Variants in ZBTB20 observed in about 807,000 individuals in gnomAD.
ZBTB20 encodes zinc finger and BTB domain containing 20, also known as zinc finger and BTB domain-containing protein 20.
ZBTB20 carries 9 observed loss-of-function variants against 56.9 expected under a neutral mutation model. That is an observed-to-expected ratio of 0.16 (90% CI 0.10 to 0.28). The LOEUF is 0.28. Ranked by LOEUF, ZBTB20 falls within the 10% of genes least tolerant of loss-of-function variation. ZBTB20 has a pLI of 1.00. For missense variants in ZBTB20, 655 were observed against 1,003.0 expected, an observed-to-expected ratio of 0.65 and a Z score of 4.69; for synonymous variants, 417 against 420.7, an observed-to-expected ratio of 0.99 and a Z score of 0.11.
chr3:114,649,584 C>A (rs189319619), intron 6 of ZBTB20, among the ~76,000 whole-genome samples: 253 of 151,914 alleles, frequency 1.7e-3, no homozygotes, highest in South Asian at 0.012. Context: ...AATAAGCTGA[C>A]AACACCTTCA....
At chr3:115,031,329 T>C (rs1295152637) in intron 2 of ZBTB20, among the ~76,000 whole-genome samples, 1 of 151,438 alleles carries the variant, frequency 6.6e-6, no homozygotes, top group Non-Finnish European at 1.5e-5. Context: ...CATTAATCAT[T>C]ATTCAACAGT....
intron 1 of ZBTB20, among the ~76,000 whole-genome samples, chr3:115,100,762 C>G (rs1396895183): frequency 6.6e-6 from 1 of 152,110 alleles, no homozygotes. Context: ...AAATGCATAG[C>G]TTATTTGTGC....
intron 6 of ZBTB20, among the ~76,000 whole-genome samples, chr3:114,558,371 C>A (rs771637704): frequency 1.3e-5 from 2 of 151,986 alleles, no homozygotes; most frequent in Admixed American, 1.3e-4. Context: ...AATAACAGTA[C>A]CTCATTTGCG....
At chr3:114,700,513 G>C (rs755225781) in intron 5 of ZBTB20, among the ~76,000 whole-genome samples, 1 of 152,086 alleles carries the variant, frequency 6.6e-6, no homozygotes, top group Non-Finnish European at 1.5e-5. Context: ...CAAAGACAGA[G>C]AGCAAAGGCT....
intron 6 of ZBTB20, among the ~76,000 whole-genome samples, chr3:114,555,714 T>A (rs1005484476): frequency 6.6e-6 from 1 of 152,150 alleles, no homozygotes; most frequent in African/African-American, 2.4e-5. Context: ...AGAGGCCTTA[T>A]GAATGCCACT....
intron 3 of ZBTB20, among the ~76,000 whole-genome samples, chr3:114,948,574 T>C (rs2076961979): frequency 6.9e-6 from 1 of 145,950 alleles, no homozygotes; most frequent in African/African-American, 2.8e-5. Flanking sequence ...TTAGCAAGAT[T>C]CCTGGCCAAG....
At chr3:114,897,256 C>A (rs922650308) in intron 4 of ZBTB20, among the ~76,000 whole-genome samples, 1 of 152,114 alleles carries the variant, frequency 6.6e-6, no homozygotes, top group Non-Finnish European at 1.5e-5. Flanking sequence ...ATATCTTTGT[C>A]TCTCACTAGC....
chr3:114,926,563 A>G (rs1281952032), intron 3 of ZBTB20, among the ~76,000 whole-genome samples: 1 of 152,214 alleles, frequency 6.6e-6, no homozygotes, highest in Non-Finnish European at 1.5e-5. Context: ...AAATTGAATA[A>G]AAAACAAACA....
At chr3:114,843,423 G>A (rs1163101785) in intron 4 of ZBTB20, among the ~76,000 whole-genome samples, 6 of 152,122 alleles carry the variant, frequency 3.9e-5, no homozygotes, top group African/African-American at 1.4e-4. Context: ...AAAATCATCT[G>A]AAAAATTACG....
At chr3:114,879,556 T>C (rs1465401181) in intron 4 of ZBTB20, among the ~76,000 whole-genome samples, 3 of 152,148 alleles carry the variant, frequency 2.0e-5, no homozygotes, top group Non-Finnish European at 2.9e-5. Context: ...TTCAAATCCC[T>C]TGCTCCATGA....
In ZBTB20 at chr3:114,918,766, AC is replaced by A. The variant is rs959678232; in HGVS notation, c.-455-18425del. On this transcript the variant is annotated intron_variant, in intron 3 of 11. Transcript: ENST00000675478. ...CAAGACAAAGTCCTGTTTACTCTTCACTCCTCTCCTCAAGTGGAATAAAGGA... is the reference window on the plus strand; with the variant it reads ...CAAGACAAAGTCCTGTTTACTCTTCATCCTCTCCTCAAGTGGAATAAAGGA... 7.6e-4 allele frequency among the ~76,000 whole-genome samples: 116 copies of A among 151,910 alleles called. 2 individuals carry two copies. Among genetic ancestry groups the A allele is most frequent in the African/African-American group, 2.6e-3 (109 of 41,398 alleles).
At chr3:114,844,539 A>ACAAAC (rs2074577625) in intron 4 of ZBTB20, among the ~76,000 whole-genome samples, 3 of 142,134 alleles carry the variant, frequency 2.1e-5, no homozygotes, top group Admixed American at 1.4e-4. Context: ...AAAAAAAAAA[A>ACAAAC]AAAAAAAAAA....
intron 4 of ZBTB20, among the ~76,000 whole-genome samples, chr3:114,851,318 G>C (rs1016903721): frequency 6.6e-6 from 1 of 152,104 alleles, no homozygotes; most frequent in African/African-American, 2.4e-5. Context: ...TACACACACA[G>C]GTATACACAC....
At chr3:114,605,589 T>G (rs1484431587) in intron 6 of ZBTB20, among the ~76,000 whole-genome samples, 2 of 152,140 alleles carry the variant, frequency 1.3e-5, no homozygotes, top group Non-Finnish European at 2.9e-5. Context: ...AATATTTCAA[T>G]CTAGTGGGGA....
chr3:114,331,776 AC>A lies in ZBTB20; in HGVS notation c.*7228del, dbSNP rs1470444346. On this transcript the variant is annotated 3_prime_UTR_variant, in exon 12 of 12. Transcript: ENST00000675478. ...CTAAGGCAACAAAGCATAAGCAGAT[AC>A]GTGAGATATGTCAGACCTTCGACTT... 1 of 152,240 alleles carries A rather than the reference AC, an allele frequency of 6.6e-6. No individual in the cohort carries two copies. Among genetic ancestry groups the A allele is most frequent in the African/African-American group, 2.4e-5 (1 of 41,464 alleles). 9.4% of individuals were successfully genotyped at this position (152,240 alleles called of 1,614,324 possible).
At chr3:115,107,536 C>A (rs528982838) in intron 1 of ZBTB20, among the ~76,000 whole-genome samples, 5 of 152,134 alleles carry the variant, frequency 3.3e-5, no homozygotes. Flanking sequence ...AATATGAACG[C>A]TTTTACACCA....
In ZBTB20 at chr3:114,350,462, A is replaced by G. The variant is rs1385863676; in HGVS notation, c.1616T>C (p.Phe539Ser). 2 of 1,614,004 alleles carry G rather than the reference A, an allele frequency of 1.2e-6. No homozygotes were observed. Among genetic ancestry groups the G allele is most frequent in the Non-Finnish European group, 1.7e-6 (2 of 1,180,034 alleles). ...PQPLAGQQTQ[F>S]VTVSQPGLST... is the part of the protein sequence containing the mutation. ...CAGACCGGGCTGGGACACTGTCACA[A>G]ACTGGGTCTGCTGGCCTGCCAGGGG... The change falls in exon 11 of 12, where the codon TTT becomes TCT. Residue 539 changes from phenylalanine (F) to serine (S), a missense_variant. Transcript: ENST00000675478.
intron 4 of ZBTB20, among the ~76,000 whole-genome samples, chr3:114,885,263 T>C (rs553085379): frequency 1.3e-5 from 2 of 152,336 alleles, no homozygotes; most frequent in East Asian, 1.9e-4. Context: ...TAACCTGTAA[T>C]GATTTAGAGA....
intron 6 of ZBTB20, among the ~76,000 whole-genome samples, chr3:114,573,685 AAG>A (rs2053697017): frequency 6.6e-6 from 1 of 152,062 alleles, no homozygotes; most frequent in Non-Finnish European, 1.5e-5. Context: ...AAAAAAGAAA[AAG>A]AAATTATGAA....
Sources: gnomAD v4.1 joint callset for allele counts (sites outside exome capture counted in the v4.1 genomes callset) on GRCh38, gnomAD v4.1.1 for gene constraint, MANE v1.5 for transcripts, NCBI Gene and HGNC (gene_info 2026-07-23, HGNC 2026-07-21) for gene names.